Variants in ULK4 observed in about 807,000 individuals in gnomAD.
ULK4 encodes unc-51 like kinase 4, also known as inactive serine/threonine-protein kinase ULK4.
Under a neutral mutation model 160.6 loss-of-function variants are expected in ULK4, and 133 were observed. That is an observed-to-expected ratio of 0.83 (90% CI 0.72 to 0.96). ULK4 has a LOEUF of 0.96. ULK4 is among the 40% of genes least tolerant of loss of function. The pLI is 0.00. For synonymous variants in ULK4, 534 were observed against 539.8 expected (o/e 0.99, Z 0.15); for missense variants, 1,580 against 1,499.5 (o/e 1.05, Z -0.89).
chr3:41,291,446 A>AGGG (rs1559507646), intron 35 of ULK4, among the ~76,000 whole-genome samples: 14 of 1,644 alleles, frequency 8.5e-3, no homozygotes, highest in Admixed American at 0.018. Context: ...GAGAAGGAGG[A>AGGG]GAGGGGAGGG....
intron 31 of ULK4, among the ~76,000 whole-genome samples, chr3:41,579,640 C>G (rs549020643): frequency 6.6e-6 from 1 of 151,954 alleles, no homozygotes; most frequent in African/African-American, 2.4e-5. Context: ...ACTACAGGCG[C>G]GCGCCTCCAT....
chr3:41,922,703 T>C (rs1699234224), intron 5 of ULK4, among the ~76,000 whole-genome samples: 1 of 151,912 alleles, frequency 6.6e-6, no homozygotes, highest in Non-Finnish European at 1.5e-5. Flanking sequence ...AAGACAGAAT[T>C]ATCCACACAA....
intron 32 of ULK4, among the ~76,000 whole-genome samples, chr3:41,522,042 AT>A (rs1178315076): frequency 1.3e-5 from 2 of 152,080 alleles, no homozygotes; most frequent in East Asian, 3.9e-4. Context: ...ACTATCATAA[AT>A]TTACATGTAG....
At chr3:41,855,709 T>C (rs1012872268) in intron 17 of ULK4, among the ~76,000 whole-genome samples, 9 of 152,308 alleles carry the variant, frequency 5.9e-5, no homozygotes, top group African/African-American at 2.2e-4. Context: ...TCACTTTAAA[T>C]TGCATTTTTC....
chr3:41,588,626 C>CCATT (rs1278368961), intron 31 of ULK4, among the ~76,000 whole-genome samples: 1 of 151,972 alleles, frequency 6.6e-6, no homozygotes, highest in Non-Finnish European at 1.5e-5. Context: ...GTGCACAGAC[C>CCATT]CATTTTAATA....
rs1697662400 is a variant in ULK4 at position 41,884,844 on chromosome 3, A to G, written c.1578-892T>C. ...ATTTCCCATTAAAATCTCTTAACCT[A>G]CACAAATTAAAGAAGTCCTAGGCAA... On this transcript the variant is annotated intron_variant, in intron 16 of 36. Coordinates refer to ENST00000301831, the MANE Select transcript of ULK4 (RefSeq NM_017886.4). 2.0e-5 allele frequency among the ~76,000 whole-genome samples: 3 copies of G among 152,190 alleles called. No individual in the cohort carries two copies. In the South Asian group the frequency reaches 6.2e-4, roughly 32 times the overall value.
chr3:41,759,963 T>C (rs1053425393), intron 21 of ULK4, among the ~76,000 whole-genome samples: 3 of 152,094 alleles, frequency 2.0e-5, no homozygotes, highest in Non-Finnish European at 4.4e-5. Flanking sequence ...AAATGTATTA[T>C]ACAACTGAAT....
chr3:41,868,346 C>A (rs192180671), intron 17 of ULK4, among the ~76,000 whole-genome samples: 366 of 152,242 alleles, frequency 2.4e-3, no homozygotes, highest in African/African-American at 7.8e-3. Context: ...CTGTTTTTAT[C>A]TCTAGTAATA....
chr3:41,321,109 C>A (rs371331007), intron 35 of ULK4, among the ~76,000 whole-genome samples: 1 of 151,924 alleles, frequency 6.6e-6, no homozygotes, highest in African/African-American at 2.4e-5. Context: ...ACTTGCACCC[C>A]GGGAAGGTGC....
intron 30 of ULK4, among the ~76,000 whole-genome samples, chr3:41,637,500 C>T (rs2034006888): frequency 6.6e-6 from 1 of 152,130 alleles, no homozygotes; most frequent in Non-Finnish European, 1.5e-5. Flanking sequence ...CTGAAATGAA[C>T]ATGGGAGTGC....
At chr3:41,828,943 C>T (rs2041468994) in intron 18 of ULK4, among the ~76,000 whole-genome samples, 1 of 151,240 alleles carries the variant, frequency 6.6e-6, no homozygotes, top group African/African-American at 2.5e-5. Flanking sequence ...GGTACCAAAA[C>T]AGAGATATAG....
At chr3:41,902,590 A>C (rs1698414444) in intron 12 of ULK4, among the ~76,000 whole-genome samples, 1 of 102,018 alleles carries the variant, frequency 9.8e-6, no homozygotes, top group Non-Finnish European at 2.1e-5. Context: ...AAAAAAAAGA[A>C]AAAAAAAAAA....
chr3:41,521,865 C>T (rs531087567), intron 32 of ULK4, among the ~76,000 whole-genome samples: 2 of 152,294 alleles, frequency 1.3e-5, no homozygotes, highest in African/African-American at 4.8e-5. Flanking sequence ...GATTCAAATG[C>T]AGCTATTTCA....
At chr3:41,605,730 T>C (rs908600857) in intron 31 of ULK4, among the ~76,000 whole-genome samples, 5 of 152,004 alleles carry the variant, frequency 3.3e-5, no homozygotes, top group African/African-American at 9.7e-5. Context: ...AAGATAAAGA[T>C]GACTTGAACA....
intron 17 of ULK4, among the ~76,000 whole-genome samples, chr3:41,858,810 T>TC (rs1355883305): frequency 2.8e-5 from 4 of 145,362 alleles, no homozygotes; most frequent in African/African-American, 1.0e-4. Context: ...TGGCCCAAAT[T>TC]CTTTTTTCCC....
intron 34 of ULK4, among the ~76,000 whole-genome samples, chr3:41,404,298 T>C (rs1057055561): frequency 5.3e-5 from 8 of 151,832 alleles, no homozygotes; most frequent in African/African-American, 1.2e-4. Context: ...AAAATAGTTA[T>C]GTCATTTCAG....
At chr3:41,667,149 G>C (rs929009599) in intron 29 of ULK4, among the ~76,000 whole-genome samples, 20 of 150,460 alleles carry the variant, frequency 1.3e-4, no homozygotes, top group African/African-American at 4.6e-4. Context: ...GCAAGACTCT[G>C]TCTCTAAAAA....
chr3:41,340,263 C>G (rs904673542), intron 35 of ULK4, among the ~76,000 whole-genome samples: 1 of 151,808 alleles, frequency 6.6e-6, no homozygotes, highest in African/African-American at 2.4e-5. Flanking sequence ...CCTATTTGAC[C>G]AAGAGGTGTT....
At chr3:41,297,970 C>G (rs2079704135) in intron 35 of ULK4, among the ~76,000 whole-genome samples, 1 of 152,180 alleles carries the variant, frequency 6.6e-6, no homozygotes, top group African/African-American at 2.4e-5. Context: ...GTCAGTAAGT[C>G]CTTAGTCAAC....
Sources: gnomAD v4.1 joint callset for allele counts (sites outside exome capture counted in the v4.1 genomes callset) on GRCh38, gnomAD v4.1.1 for gene constraint, MANE v1.5 for transcripts, NCBI Gene and HGNC (gene_info 2026-07-23, HGNC 2026-07-21) for gene names.